BIN1: variants seen among roughly 807,000 people sequenced by gnomAD.
The protein encoded by BIN1 is myc box-dependent-interacting protein 1.
In BIN1, 53 loss-of-function variants were observed where a neutral mutation model predicts 82.0. The observed-to-expected ratio is 0.65, with a 90% CI of 0.52 to 0.81. The LOEUF (loss-of-function observed/expected upper bound fraction) is 0.81. BIN1 is among the 40% of genes least tolerant of loss of function. The pLI is 0.00. For synonymous variants in BIN1, 302 were observed against 328.0 expected, an observed-to-expected ratio of 0.92 and a Z score of 0.86; for missense variants, 642 against 784.4, an observed-to-expected ratio of 0.82 and a Z score of 2.17.
In BIN1 at chr2:127,062,193, T is replaced by A; in HGVS notation, c.779A>T (p.Asn260Ile). The part of the protein sequence containing the change: ...ENFHKEMSKL[N>I]QNLNDVLVGL... ...GACCAGCACATCATTGAGGTTCTGGTTGAGCTGCAGGAGAGACAGTGAGGA... is the reference window on the plus strand; with the variant it reads ...GACCAGCACATCATTGAGGTTCTGGATGAGCTGCAGGAGAGACAGTGAGGA... Residue 260 changes from asparagine to isoleucine, a missense_variant, in exon 10 of 19, where the codon AAC becomes ATC. By Grantham distance (149) the Asn-to-Ile change is moderately radical (BLOSUM62 -3). Transcript: ENST00000316724. 1 of 1,606,288 alleles carries A rather than the reference T, an allele frequency of 6.2e-7. No homozygotes were observed.
Position 127,048,380 on chromosome 2 carries a change from G to A in BIN1, c.*146C>T. 1 of 744,590 alleles carries A rather than the reference G, an allele frequency of 1.3e-6. No individual in the cohort carries two copies. The highest frequency in any genetic ancestry group is 1.7e-5 in the South Asian group (1 of 60,148). The allele number at this position is 744,590 out of a possible 1,614,324, so 46.1% of individuals were successfully genotyped here. A position where few individuals can be genotyped will look rare whatever the true frequency, so the allele number is the denominator to read the frequency against. ...CTTTGGAAAACGACCTAATCTTTGGGAGAACGCCCCTCTGCCTGGGGGTCT... is the reference window on the plus strand; with the variant it reads ...CTTTGGAAAACGACCTAATCTTTGGAAGAACGCCCCTCTGCCTGGGGGTCT... On this transcript the variant is annotated 3_prime_UTR_variant, in exon 19 of 19. Transcript: ENST00000316724.
At chr2:127,095,387 G>A (rs1044545166) in intron 1 of BIN1, among the ~76,000 whole-genome samples, 6 of 152,294 alleles carry the variant, frequency 3.9e-5, no homozygotes, top group South Asian at 4.1e-4. Context: ...CCTCCCTGGC[G>A]GGGTCACTGG....
chr2:127,096,800 C>G (rs989957569), intron 1 of BIN1, among the ~76,000 whole-genome samples: 1 of 152,214 alleles, frequency 6.6e-6, no homozygotes, highest in African/African-American at 2.4e-5. Context: ...GCCAGAAGGG[C>G]CCCTGCTTGC....
At chr2:127,052,643 T>C (rs1391924074) in intron 14 of BIN1, 3 of 480,640 alleles carry the variant, frequency 6.2e-6, no homozygotes, top group Non-Finnish European at 1.1e-5. Flanking sequence ...TGGCTCTTTC[T>C]GGCTTCCTCC....
intron 18 of BIN1, 98 bp from the exon 19 acceptor site, chr2:127,048,731 T>C: frequency 8.5e-7 from 1 of 1,176,380 alleles, no homozygotes; most frequent in Non-Finnish European, 1.2e-6. Flanking sequence ...CGGCCCCTCC[T>C]CCTGCTGTTG....
chr2:127,057,656 G>A lies in BIN1; in HGVS notation c.1003-55C>T. 1 of 1,459,340 alleles carries A rather than the reference G, an allele frequency of 6.9e-7. No individual in the cohort carries two copies. Among genetic ancestry groups the A allele is most frequent in the Non-Finnish European group, 9.1e-7 (1 of 1,099,662 alleles). The allele number at this position is 1,459,340 out of a possible 1,614,324, so 90.4% of individuals were successfully genotyped here. ...GCGGGAAGGCACAGCAGAGCACGGG[G>A]TTTGGGGGAGACAGACAGAGACAAA... On this transcript the variant is annotated intron_variant, in intron 11 of 18. Coordinates refer to ENST00000316724, the MANE Select transcript of BIN1 (RefSeq NM_139343.3). This position sits in a 1 kb window ranked among gnomAD's most constrained non-coding sequence, Gnocchi z 5.0.
At chr2:127,078,564 G>A (rs1302224519) in intron 1 of BIN1, among the ~76,000 whole-genome samples, 1 of 152,162 alleles carries the variant, frequency 6.6e-6, no homozygotes, top group Non-Finnish European at 1.5e-5. Context: ...TGGGCACCGG[G>A]AGGCAGCCAC....
Position 127,050,474 on chromosome 2 carries a change from G to C in BIN1, c.1621C>G (p.Leu541Val), listed in dbSNP as rs764293546. 2 of 1,614,244 alleles carry C rather than the reference G, an allele frequency of 1.2e-6. No individual in the cohort carries two copies. The highest frequency in any genetic ancestry group is 1.7e-6 in the Non-Finnish European group (2 of 1,180,044). Residue 541 changes from leucine (L) to valine (V), a missense_variant, in exon 18 of 19, where the codon CTC becomes GTC. Leu to Val is a conservative substitution (Grantham distance 32). Coordinates refer to ENST00000316724, the MANE Select transcript of BIN1 (RefSeq NM_139343.3). Reference protein sequence around the residue: ...YTATDTDELQLKAGDVVLVIP... With the variant: ...YTATDTDELQVKAGDVVLVIP... ...ACCAGCACCACATCACCAGCCTTGA[G>C]CTGCAGCTCGTCTGTGTCAGTGGCC...
chr2:127,059,527 C>T lies in BIN1; in HGVS notation c.858-372G>A, dbSNP rs1252273577. On this transcript the variant is annotated intron_variant, in intron 10 of 18. Transcript: ENST00000316724. This position sits in a 1 kb window ranked among gnomAD's most constrained non-coding sequence, Gnocchi z 6.7. Reference sequence around the variant, plus strand: ...GCCCATGCTGACAGCCCAAGATCCACAGCAGGAGAAAGCCAGACATCCTAG... The same window carrying T: ...GCCCATGCTGACAGCCCAAGATCCATAGCAGGAGAAAGCCAGACATCCTAG... Among the ~76,000 whole-genome samples, 4 of 152,048 alleles carry T rather than the reference C, an allele frequency of 2.6e-5. No individual in the cohort carries two copies. Among genetic ancestry groups the T allele is most frequent in the African/African-American group, 9.7e-5 (4 of 41,342 alleles).
At chr2:127,060,885 G>A (rs1281153732) in intron 10 of BIN1, among the ~76,000 whole-genome samples, 1 of 152,226 alleles carries the variant, frequency 6.6e-6, no homozygotes. Context: ...AGGAGGCTCG[G>A]GGCAGTGGAG....
At chr2:127,100,316 AG>A (rs5834166) in intron 1 of BIN1, among the ~76,000 whole-genome samples, 9,126 of 152,272 alleles carry the variant, frequency 0.06, 394 homozygotes, top group Non-Finnish European at 0.088. Context: ...GGGGTCCGAC[AG>A]GGGCCCCAAG....
chr2:127,098,998 T>A (rs866797787), intron 1 of BIN1, among the ~76,000 whole-genome samples: 1 of 152,182 alleles, frequency 6.6e-6, no homozygotes, highest in African/African-American at 2.4e-5. Context: ...GGGAGTGTGA[T>A]GAGGAGCGAT....
In BIN1 at chr2:127,070,601, C is replaced by T; in HGVS notation, c.267G>A (p.Val89=). 6.2e-7 allele frequency: 1 copy of T among 1,614,154 alleles called. No individual in the cohort carries two copies. The highest frequency in any genetic ancestry group is 8.5e-7 in the Non-Finnish European group (1 of 1,180,022). Residue 89 remains valine, a synonymous_variant, in exon 4 of 19, where the codon GTG becomes GTA. Coordinates refer to ENST00000316724, the MANE Select transcript of BIN1 (RefSeq NM_139343.3). ...SKKLNECLQE[V]YEPDWPGRDE... is the part of the protein sequence containing the mutation. ...CCCTGCCGGGCCAATCGGGCTCATA[C>T]ACCTCCTGCAGACACTCATTCAGCT...
At position 127,062,206 on chromosome 2, in the gene BIN1, G is replaced by A. The variant is rs1310448296; in HGVS notation, c.775-9C>T. 1.3e-6 allele frequency: 2 copies of A among 1,596,732 alleles called. No homozygotes were observed. The highest frequency in any genetic ancestry group is 1.7e-6 in the Non-Finnish European group (2 of 1,171,370). On this transcript the variant is annotated splice_polypyrimidine_tract_variant and intron_variant, in intron 9 of 18. Coordinates refer to ENST00000316724, the MANE Select transcript of BIN1 (RefSeq NM_139343.3). ...TTGAGGTTCTGGTTGAGCTGCAGGA[G>A]AGACAGTGAGGAGGTGGGGGGCCTC...
chr2:127,063,506 C>G (rs1306770959), intron 9 of BIN1, 65 bp downstream of exon 9: 2 of 1,533,634 alleles, frequency 1.3e-6, no homozygotes, highest in Non-Finnish European at 1.8e-6. Context: ...GCCCCTCCCA[C>G]GACTCTGACT....
In BIN1 at chr2:127,068,319, G is replaced by A. The variant is rs1365173987; in HGVS notation, c.520-64C>T. 3.7e-6 allele frequency: 5 copies of A among 1,358,978 alleles called. No individual in the cohort carries two copies. Among genetic ancestry groups the A allele is most frequent in the Non-Finnish European group, 5.1e-6 (5 of 971,186 alleles). The allele number at this position is 1,358,978 out of a possible 1,614,324, so 84.2% of individuals were successfully genotyped here. ...CCAGGGAGGTGGGGAGAGAGAAACA[G>A]AGACACACAGATTAAATGCAGGTCC... On this transcript the variant is annotated intron_variant, in intron 6 of 18. Transcript: ENST00000316724. The surrounding 1 kb of genome is among the most constrained non-coding windows in gnomAD (Gnocchi z 4.9).
At chr2:127,079,349 G>A (rs920245330) in intron 1 of BIN1, among the ~76,000 whole-genome samples, 2 of 152,228 alleles carry the variant, frequency 1.3e-5, no homozygotes, top group African/African-American at 4.8e-5. Flanking sequence ...TCTATAAAGT[G>A]CAGAGCAGTA....
Position 127,064,226 on chromosome 2 carries a change from G to A in BIN1, c.613-208C>T, listed in dbSNP as rs563818734. ...GGACCCTGAGGACATCTGGGAAAGG[G>A]AGGGCTGAGCAGCCGTTGCCAAAGA... On this transcript the variant is annotated intron_variant, in intron 7 of 18. Transcript: ENST00000316724. Among the ~76,000 whole-genome samples, 165 of 152,344 alleles carry A rather than the reference G, an allele frequency of 1.1e-3. 4 individuals carry two copies. The South Asian group carries it at 0.016, about 15-fold the overall frequency.
chr2:127,081,152 CA>C (rs1687245933), intron 1 of BIN1, among the ~76,000 whole-genome samples: 1 of 152,220 alleles, frequency 6.6e-6, no homozygotes, highest in Admixed American at 6.5e-5. Context: ...TCATGGGGCA[CA>C]GGCAGTGCAC....
Sources: gnomAD v4.1 joint callset for allele counts (sites outside exome capture counted in the v4.1 genomes callset) on GRCh38, gnomAD v4.1.1 for gene constraint, Gnocchi (gnomAD v3.1) non-coding constraint, MANE v1.5 for transcripts, NCBI Gene and HGNC (gene_info 2026-07-23, HGNC 2026-07-21) for gene names.